VPS13B: variants seen among roughly 807,000 people sequenced by gnomAD.
The protein encoded by VPS13B is vacuolar protein sorting 13 homolog B, also known as intermembrane lipid transfer protein VPS13B.
In VPS13B, 285 loss-of-function variants were observed where a neutral mutation model predicts 426.4. The ratio of observed to expected loss-of-function variants is 0.67; its 90% CI spans 0.61 to 0.74. The LOEUF (loss-of-function observed/expected upper bound fraction) is 0.74. VPS13B is among the 30% of genes least tolerant of loss of function. The probability of loss-of-function intolerance (pLI) is 0.00; values close to 1 mark genes in which losing one functional copy is unlikely to be tolerated. For missense variants in VPS13B, 4,537 were observed against 4,782.6 expected (o/e 0.95, Z 1.51); for synonymous variants, 1,676 against 1,676.4 (o/e 1.00, Z 0.01).
At chr8:99,770,622 C>T (rs956859975) in intron 40 of VPS13B, among the ~76,000 whole-genome samples, 5 of 152,162 alleles carry the variant, frequency 3.3e-5, no homozygotes, top group African/African-American at 4.8e-5. Context: ...TTTGTAGCTA[C>T]GTTTGGTAGA....
At position 99,485,575 on chromosome 8, in the gene VPS13B, A is replaced by G. The variant is rs550410899; in HGVS notation, c.3870+3773A>G. ...ACCACAGATACAAATAACATTTCCT[A>G]CATATGCAATGATATGAAAAAGGTT... On this transcript the variant is annotated intron_variant, in intron 25 of 61. Coordinates refer to ENST00000357162, the MANE Select transcript of VPS13B (RefSeq NM_152564.5). 3.3e-5 allele frequency among the ~76,000 whole-genome samples: 5 copies of G among 152,282 alleles called. No homozygotes were observed. In the South Asian group the frequency reaches 1.0e-3, roughly 32 times the overall value.
intron 16 of VPS13B, 114 bp from the exon 17 acceptor site, chr8:99,192,762 G>T: frequency 9.5e-7 from 1 of 1,053,838 alleles, no homozygotes; most frequent in Non-Finnish European, 1.4e-6. Context: ...TAGTATGTTT[G>T]CATACATACT....
intron 35 of VPS13B, among the ~76,000 whole-genome samples, chr8:99,689,645 C>G (rs1831566239): frequency 6.6e-6 from 1 of 152,094 alleles, no homozygotes; most frequent in African/African-American, 2.4e-5. Context: ...TAATGGGATC[C>G]AATCTATTGA....
At chr8:99,737,865 A>G (rs2130449516) in intron 39 of VPS13B, among the ~76,000 whole-genome samples, 1 of 152,332 alleles carries the variant, frequency 6.6e-6, no homozygotes, top group Middle Eastern at 3.4e-3. Context: ...TTTTCTTGTT[A>G]ACAGTTCTCT....
chr8:99,518,691 C>T (rs543894239), intron 29 of VPS13B, among the ~76,000 whole-genome samples: 14 of 152,160 alleles, frequency 9.2e-5, no homozygotes, highest in Middle Eastern at 6.8e-3. Flanking sequence ...TTAATTCTGA[C>T]GTTCTTTCCT....
At chr8:99,215,541 G>C (rs1435025475) in intron 17 of VPS13B, among the ~76,000 whole-genome samples, 1 of 152,170 alleles carries the variant, frequency 6.6e-6, no homozygotes, top group East Asian at 1.9e-4. Context: ...TGGGTCATAA[G>C]AGGAAAAGAC....
At chr8:99,051,510 C>T (rs1231703807) in intron 3 of VPS13B, among the ~76,000 whole-genome samples, 3 of 151,966 alleles carry the variant, frequency 2.0e-5, no homozygotes, top group Non-Finnish European at 2.9e-5. Context: ...CTTGGCAGTG[C>T]AGGCTCTTTT....
chr8:99,121,259 G>A lies in VPS13B; in HGVS notation c.1020G>A (p.Glu340=). ...GQELYSQQDE[E]QPQGWVSWAW... is the part of the protein sequence containing the mutation. ...AGTTATATTCACAGCAAGATGAGGA[G>A]CAGCCACAGGGATGGGTGTCATGGG... is the stretch of plus-strand genomic sequence containing the variant. The change falls in exon 8 of 62, where the codon GAG becomes GAA. Residue 340 remains glutamate, a synonymous_variant. Transcript: ENST00000357162. The A allele has an allele frequency of 6.2e-7, 1 of 1,614,146 alleles. No homozygotes were observed. Among genetic ancestry groups the A allele is most frequent in the Non-Finnish European group, 8.5e-7 (1 of 1,180,024 alleles).
intron 21 of VPS13B, among the ~76,000 whole-genome samples, chr8:99,413,868 A>G (rs1199601221): frequency 2.6e-5 from 4 of 152,182 alleles, no homozygotes; most frequent in Non-Finnish European, 5.9e-5. Context: ...ATTTTAGAAT[A>G]AGTGTGATGT....
intron 19 of VPS13B, among the ~76,000 whole-genome samples, chr8:99,336,713 G>C (rs550716787): frequency 6.6e-6 from 1 of 152,294 alleles, no homozygotes; most frequent in Non-Finnish European, 1.5e-5. Context: ...GATATGAACA[G>C]ACACTTCTCA....
In VPS13B at chr8:99,679,079, A is replaced by G. The variant is rs542401236; in HGVS notation, c.6046+17588A>G. On this transcript the variant is annotated intron_variant, in intron 35 of 61. Coordinates refer to ENST00000357162, the MANE Select transcript of VPS13B (RefSeq NM_152564.5). ...TTTTTCTTTGCCCACTCTAATTCTC[A>G]GCTGCCATTAGGTTAGCCTAAGTCT... Among the ~76,000 whole-genome samples, 327 of 152,274 alleles carry G rather than the reference A, an allele frequency of 2.1e-3. 1 individual carries two copies. Among genetic ancestry groups the G allele is most frequent in the African/African-American group, 7.6e-3 (315 of 41,558 alleles).
At chr8:99,161,886 C>G (rs888396083) in intron 15 of VPS13B, among the ~76,000 whole-genome samples, 2 of 152,006 alleles carry the variant, frequency 1.3e-5, no homozygotes, top group Admixed American at 6.6e-5. Context: ...GTGTGCACCA[C>G]CACACCCAGC....
intron 43 of VPS13B, among the ~76,000 whole-genome samples, chr8:99,789,720 T>A (rs1481295973): frequency 6.6e-6 from 1 of 152,160 alleles, no homozygotes; most frequent in Non-Finnish European, 1.5e-5. Flanking sequence ...ATAGATATTT[T>A]ATGGGATCTT....
intron 39 of VPS13B, among the ~76,000 whole-genome samples, chr8:99,752,437 C>T (rs1810445452): frequency 6.6e-6 from 1 of 152,160 alleles, no homozygotes; most frequent in Non-Finnish European, 1.5e-5. Context: ...AACATAGACA[C>T]ATATGCTCAT....
chr8:99,080,598 A>T (rs1338285002), intron 3 of VPS13B, among the ~76,000 whole-genome samples: 1 of 152,098 alleles, frequency 6.6e-6, no homozygotes, highest in African/African-American at 2.4e-5. Flanking sequence ...TTAAATTATT[A>T]TGGTTCTAAA....
chr8:99,652,573 A>G (rs1829864046), intron 34 of VPS13B, among the ~76,000 whole-genome samples: 1 of 151,934 alleles, frequency 6.6e-6, no homozygotes, highest in South Asian at 2.1e-4. Flanking sequence ...TCCTTTCATG[A>G]ATAGGACTGT....
chr8:99,453,244 T>A (rs1818286712), intron 23 of VPS13B, among the ~76,000 whole-genome samples: 1 of 152,242 alleles, frequency 6.6e-6, no homozygotes, highest in African/African-American at 2.4e-5. Flanking sequence ...TAATCATAAT[T>A]TCCACTTGTT....
Position 99,096,406 on chromosome 8 carries a change from C to T in VPS13B, c.386C>T (p.Ala129Val), listed in dbSNP as rs753598906. 5.0e-6 allele frequency: 8 copies of T among 1,613,974 alleles called. No individual in the cohort carries two copies. Among genetic ancestry groups the T allele is most frequent in the Non-Finnish European group, 5.9e-6 (7 of 1,179,986 alleles). The change falls in exon 4 of 62, where the codon GCT becomes GTT. Residue 129 changes from alanine to valine, a missense_variant. Transcript: ENST00000357162. ...SIKPRRMQQA[A>V]PTDPDLPPGY... ...AAACCGCGGAGAATGCAGCAGGCTG[C>T]TCCTACAGATCCTGACTTACCACCA...
intron 2 of VPS13B, 52 bp from the exon 3 acceptor site, chr8:99,038,371 A>G: frequency 7.1e-7 from 1 of 1,415,266 alleles, no homozygotes; most frequent in Non-Finnish European, 9.6e-7. Flanking sequence ...GCATATTATA[A>G]TAAAAAATAT....
Sources: allele counts gnomAD v4.1 joint callset (sites outside exome capture counted in the v4.1 genomes callset), GRCh38; gene constraint gnomAD v4.1.1; transcripts MANE v1.5; gene names NCBI Gene and HGNC (gene_info 2026-07-23, HGNC 2026-07-21).